The following IKZF3 variants were observed in gnomAD, a reference collection of about 807,000 sequenced individuals.
IKZF3 encodes IKAROS family zinc finger 3.
Under a neutral mutation model 49.0 loss-of-function variants are expected in IKZF3, and 10 were observed. That is an observed-to-expected ratio of 0.20 (90% CI 0.13 to 0.35). The LOEUF (loss-of-function observed/expected upper bound fraction) is 0.35, where lower values mean the gene tolerates loss of function less well. Among genes scored for constraint, IKZF3 ranks in the 10% least tolerant of loss-of-function variants. The pLI is 1.00. For missense variants in IKZF3, 498 were observed against 664.8 expected (o/e 0.75, Z 2.76); for synonymous variants, 209 against 228.2 (o/e 0.92, Z 0.76).
chr17:39,794,618 ACT>A (rs1359611714), intron 3 of IKZF3, among the ~76,000 whole-genome samples: 3 of 152,006 alleles, frequency 2.0e-5, no homozygotes, highest in African/African-American at 7.3e-5. Flanking sequence ...ACAACTTTTC[ACT>A]CTTTGACTAG....
chr17:39,825,820 G>A (rs955652308), intron 3 of IKZF3, among the ~76,000 whole-genome samples: 8 of 152,154 alleles, frequency 5.3e-5, no homozygotes, highest in African/African-American at 1.2e-4. Context: ...GTGTTCTAAT[G>A]GGGAGAGCAT....
intron 6 of IKZF3, among the ~76,000 whole-genome samples, chr17:39,781,192 T>C (rs1036889539): frequency 1.3e-5 from 2 of 152,166 alleles, no homozygotes; most frequent in African/African-American, 4.8e-5. Context: ...ATATATATTA[T>C]TTCCTTTCAC....
At chr17:39,810,979 C>T (rs2061538656) in intron 3 of IKZF3, among the ~76,000 whole-genome samples, 1 of 152,088 alleles carries the variant, frequency 6.6e-6, no homozygotes, top group Non-Finnish European at 1.5e-5. Flanking sequence ...GTGGCTTATG[C>T]CTGTAATCTC....
At chr17:39,863,064 T>C (rs185330833) in intron 1 of IKZF3, among the ~76,000 whole-genome samples, 55 of 152,286 alleles carry the variant, frequency 3.6e-4, no homozygotes, top group Admixed American at 7.8e-4. Context: ...TCAAAAATTA[T>C]TTTTCCCATA....
chr17:39,779,565 A>C (rs1286705030), intron 6 of IKZF3, among the ~76,000 whole-genome samples: 1 of 152,198 alleles, frequency 6.6e-6, no homozygotes, highest in Non-Finnish European at 1.5e-5. Flanking sequence ...ACCAGGGATC[A>C]GCAAACTTTT....
intron 6 of IKZF3, among the ~76,000 whole-genome samples, chr17:39,782,898 T>C (rs2060780386): frequency 1.3e-5 from 2 of 152,230 alleles, no homozygotes; most frequent in South Asian, 4.1e-4. Context: ...AAAGTTATTT[T>C]AAAGACGTGC....
chr17:39,826,055 T>A (rs2061948567), intron 3 of IKZF3, among the ~76,000 whole-genome samples: 1 of 152,142 alleles, frequency 6.6e-6, no homozygotes, highest in Admixed American at 6.5e-5. Context: ...AGTTTTTTTG[T>A]TTGTTGAGAC....
In IKZF3 at chr17:39,781,795, G is replaced by A. The variant is rs143755985; in HGVS notation, c.710-4028C>T. On this transcript the variant is annotated intron_variant, in intron 6 of 7. Transcript: ENST00000346872. ...GAGATAACATCACCTTTTATTCCTC[G>A]TTACCCACCAAACTGGTCTTTAGAG... is the stretch of plus-strand genomic sequence containing the variant. Among the ~76,000 whole-genome samples the A allele has an allele frequency of 2.6e-5, 4 of 152,248 alleles. No homozygotes were observed. In the East Asian group the frequency reaches 5.8e-4, roughly 22 times the overall value.
chr17:39,808,572 C>T (rs1185498148), intron 3 of IKZF3, among the ~76,000 whole-genome samples: 1 of 152,134 alleles, frequency 6.6e-6, no homozygotes, highest in Non-Finnish European at 1.5e-5. Flanking sequence ...GTGTGTTTTA[C>T]TAGGCTGTGG....
intron 3 of IKZF3, among the ~76,000 whole-genome samples, chr17:39,812,973 G>A (rs1000948614): frequency 6.6e-6 from 1 of 152,082 alleles, no homozygotes; most frequent in Non-Finnish European, 1.5e-5. Context: ...GTGGTGGCGG[G>A]CGCCTGTAGT....
chr17:39,815,936 G>T (rs888001088), intron 3 of IKZF3, among the ~76,000 whole-genome samples: 2 of 152,130 alleles, frequency 1.3e-5, no homozygotes. Context: ...ATATAATGGG[G>T]TGAAACCTTG....
chr17:39,801,667 C>A (rs1021825153), intron 3 of IKZF3, among the ~76,000 whole-genome samples: 1 of 152,172 alleles, frequency 6.6e-6, no homozygotes, highest in South Asian at 2.1e-4. Flanking sequence ...TTTTCATTTT[C>A]TAATTTACAT....
intron 3 of IKZF3, among the ~76,000 whole-genome samples, chr17:39,822,517 C>T (rs1468527383): frequency 6.6e-6 from 1 of 151,926 alleles, no homozygotes; most frequent in East Asian, 1.9e-4. Context: ...CCCAGCCATG[C>T]AGAACTGTGA....
intron 3 of IKZF3, among the ~76,000 whole-genome samples, chr17:39,796,010 C>A (rs1403512533): frequency 2.0e-5 from 3 of 151,750 alleles, no homozygotes; most frequent in Admixed American, 2.0e-4. Flanking sequence ...CCACTGCACT[C>A]CAGCCTGGGC....
At chr17:39,854,200 A>C (rs545172998) in intron 1 of IKZF3, among the ~76,000 whole-genome samples, 3 of 152,338 alleles carry the variant, frequency 2.0e-5, no homozygotes, top group Admixed American at 1.3e-4. Context: ...ATATTTCAAA[A>C]TGTAAATGCA....
intron 1 of IKZF3, among the ~76,000 whole-genome samples, chr17:39,853,622 G>A (rs191017585): frequency 6.6e-6 from 1 of 152,026 alleles, no homozygotes; most frequent in African/African-American, 2.4e-5. Context: ...GATCACCTGA[G>A]GTCAGGAGTT....
At chr17:39,799,390 T>G (rs1053099554) in intron 3 of IKZF3, among the ~76,000 whole-genome samples, 1 of 152,220 alleles carries the variant, frequency 6.6e-6, no homozygotes, top group African/African-American at 2.4e-5. Context: ...TTCAATGATT[T>G]CATTTGCTTA....
At chr17:39,806,516 T>C (rs1421714885) in intron 3 of IKZF3, among the ~76,000 whole-genome samples, 1 of 152,100 alleles carries the variant, frequency 6.6e-6, no homozygotes, top group African/African-American at 2.4e-5. Flanking sequence ...ATTAGAGAAG[T>C]GTGAATTAAA....
chr17:39,855,897 T>C (rs984984282), intron 1 of IKZF3, among the ~76,000 whole-genome samples: 3 of 152,068 alleles, frequency 2.0e-5, no homozygotes, highest in African/African-American at 7.2e-5. Flanking sequence ...GCCCCAACTT[T>C]ATTATAAGTA....
Sources: gnomAD v4.1 joint callset for allele counts (sites outside exome capture counted in the v4.1 genomes callset) on GRCh38, gnomAD v4.1.1 for gene constraint, MANE v1.5 for transcripts, NCBI Gene and HGNC (gene_info 2026-07-23, HGNC 2026-07-21) for gene names.